The following LOXHD1 variants were observed in gnomAD, a reference collection of about 807,000 sequenced individuals.
The protein encoded by LOXHD1 is lipoxygenase homology domain-containing protein 1.
In LOXHD1, 205 loss-of-function variants were observed where a neutral mutation model predicts 248.2. The observed-to-expected ratio is 0.83, with a 90% CI of 0.74 to 0.93. The LOEUF is 0.93. Among genes scored for constraint, LOXHD1 ranks in the 40% least tolerant of loss-of-function variants. The pLI, the probability that LOXHD1 is intolerant of heterozygous loss-of-function variation, is 0.00. For synonymous variants in LOXHD1, 1,113 were observed against 1,162.8 expected, an observed-to-expected ratio of 0.96 and a Z score of 0.87; for missense variants, 2,930 against 2,971.6, an observed-to-expected ratio of 0.99 and a Z score of 0.33.
chr18:46,632,697 A>T (rs545208512), intron 4 of LOXHD1, among the ~76,000 whole-genome samples: 1 of 152,268 alleles, frequency 6.6e-6, no homozygotes, highest in East Asian at 1.9e-4. Context: ...TTTGATAGCC[A>T]AGACTCTGTT....
chr18:46,522,978 A>C (rs1219841511), intron 31 of LOXHD1, among the ~76,000 whole-genome samples: 2 of 148,532 alleles, frequency 1.3e-5, no homozygotes, highest in Non-Finnish European at 3.0e-5. Flanking sequence ...ATGGAGTTCC[A>C]CTCTTGTTGC....
intron 21 of LOXHD1, among the ~76,000 whole-genome samples, chr18:46,553,456 T>A (rs943049821): frequency 1.3e-5 from 2 of 152,216 alleles, no homozygotes; most frequent in Non-Finnish European, 2.9e-5. Flanking sequence ...GTTCCTTTCT[T>A]CAAAAACAGA....
At chr18:46,597,485 G>T (rs1317039804) in intron 8 of LOXHD1, among the ~76,000 whole-genome samples, 2 of 151,060 alleles carry the variant, frequency 1.3e-5, no homozygotes, top group Non-Finnish European at 2.9e-5. Flanking sequence ...AGCAAAAATT[G>T]TTCTACAATA....
chr18:46,604,970 A>C (rs966739644), intron 6 of LOXHD1, among the ~76,000 whole-genome samples: 3 of 152,204 alleles, frequency 2.0e-5, no homozygotes, highest in African/African-American at 7.2e-5. Flanking sequence ...GTATCTCATA[A>C]CATCATGTTA....
At chr18:46,638,086 G>T (rs532935495) in intron 4 of LOXHD1, among the ~76,000 whole-genome samples, 2 of 152,270 alleles carry the variant, frequency 1.3e-5, no homozygotes, top group African/African-American at 4.8e-5. Context: ...ATTCCAAGGA[G>T]GGGTGTCGAG....
chr18:46,530,801 T>A (rs2036031437), intron 28 of LOXHD1, among the ~76,000 whole-genome samples: 1 of 152,178 alleles, frequency 6.6e-6, no homozygotes, highest in Non-Finnish European at 1.5e-5. Flanking sequence ...TCCTTCTGTG[T>A]GGCTGGACAC....
chr18:46,510,302 G>A (rs1368686048), intron 34 of LOXHD1, among the ~76,000 whole-genome samples: 3 of 152,242 alleles, frequency 2.0e-5, no homozygotes, highest in African/African-American at 7.2e-5. Flanking sequence ...CACAACTCTA[G>A]ATGGCATCGT....
In LOXHD1 at chr18:46,529,167, C is replaced by T. The variant is rs1366118373; in HGVS notation, c.4530+10G>A. 2.6e-6 allele frequency: 4 copies of T among 1,551,446 alleles called. No individual in the cohort carries two copies. Among genetic ancestry groups the T allele is most frequent in the African/African-American group, 1.4e-5 (1 of 73,114 alleles). On this transcript the variant is annotated intron_variant, in intron 29 of 40. Coordinates refer to ENST00000642948, the MANE Select transcript of LOXHD1 (RefSeq NM_001384474.1). ...AGGGAAGGAGGGTAAACTCCGTGTG[C>T]CCCTCATACCGTTCCTCTCTCGAAC...
Position 46,485,151 on chromosome 18 carries a change from G to A in LOXHD1, c.6050C>T (p.Thr2017Ile), listed in dbSNP as rs1187734597. 1 of 1,549,260 alleles carries A rather than the reference G, an allele frequency of 6.5e-7. No individual in the cohort carries two copies. Among genetic ancestry groups the A allele is most frequent in the South Asian group, 1.2e-5 (1 of 83,794 alleles). ...NKICDELEETTYEIVIETGNG... is the reference protein window; with the variant it reads ...NKICDELEETIYEIVIETGNG... ...GCCCGTTTCTATGACGATCTCGTAG[G>A]CTGTAATGGAGGAGGTGGGGGAGGG... is the stretch of plus-strand genomic sequence containing the variant. Residue 2017 changes from threonine (T) to isoleucine (I), a missense_variant and splice_region_variant, in exon 39 of 41, where the codon ACC (threonine) becomes ATC (isoleucine). Physicochemically the swap from Thr to Ile is moderately conservative, Grantham distance 89. Transcript: ENST00000642948.
intron 27 of LOXHD1, 51 bp from the exon 28 acceptor site, chr18:46,533,375 A>G: frequency 6.5e-7 from 1 of 1,541,642 alleles, no homozygotes; most frequent in Non-Finnish European, 8.8e-7. Flanking sequence ...AAAGCTGCCA[A>G]CTTCAGGGAT....
chr18:46,506,831 T>G (rs543504954), intron 36 of LOXHD1, among the ~76,000 whole-genome samples: 58 of 152,226 alleles, frequency 3.8e-4, no homozygotes, highest in Non-Finnish European at 7.5e-4. Context: ...CCATTTATAA[T>G]TAATGTGATG....
chr18:46,642,090 G>T (rs1232670167), intron 2 of LOXHD1, 54 bp from the exon 3 acceptor site: 48 of 1,492,478 alleles, frequency 3.2e-5, no homozygotes, highest in Non-Finnish European at 4.4e-5. Flanking sequence ...ACAGGCCTGG[G>T]AGGAGAGCCA....
chr18:46,613,593 G>T (rs1481157000), intron 5 of LOXHD1, among the ~76,000 whole-genome samples: 1 of 152,050 alleles, frequency 6.6e-6, no homozygotes, highest in Non-Finnish European at 1.5e-5. Context: ...GTACTGTGAA[G>T]AATAGAAATA....
chr18:46,560,852 ACG>A (rs34336210), intron 18 of LOXHD1, among the ~76,000 whole-genome samples: 39,644 of 151,370 alleles, frequency 0.26, 5,984 homozygotes, highest in African/African-American at 0.41. Context: ...ACACACACGC[ACG>A]CGCGCGCGCG....
intron 8 of LOXHD1, among the ~76,000 whole-genome samples, chr18:46,594,863 TA>T (rs2038233999): frequency 6.6e-6 from 1 of 152,206 alleles, no homozygotes; most frequent in Middle Eastern, 3.2e-3. Context: ...ATCTGGAATG[TA>T]ATATAAAAAC....
At chr18:46,480,345 C>A (rs999906725) in intron 40 of LOXHD1, among the ~76,000 whole-genome samples, 1 of 152,168 alleles carries the variant, frequency 6.6e-6, no homozygotes, top group South Asian at 2.1e-4. Flanking sequence ...CCTGCACAGA[C>A]CCACGTGTAC....
intron 6 of LOXHD1, among the ~76,000 whole-genome samples, 183 bp from the exon 7 acceptor site, chr18:46,604,412 T>A (rs750362335): frequency 6.6e-6 from 1 of 152,190 alleles, no homozygotes; most frequent in African/African-American, 2.4e-5. Flanking sequence ...AAGCTCAGAA[T>A]CATACAGGGA....
At chr18:46,522,562 T>C (rs1318007017) in intron 31 of LOXHD1, among the ~76,000 whole-genome samples, 2 of 152,208 alleles carry the variant, frequency 1.3e-5, no homozygotes, top group Non-Finnish European at 2.9e-5. Flanking sequence ...AGTGTCAAGC[T>C]TCTAAAAGCT....
chr18:46,506,109 G>A (rs1598869783), intron 36 of LOXHD1, 86 bp from the exon 37 acceptor site: 3 of 1,434,644 alleles, frequency 2.1e-6, no homozygotes, highest in African/African-American at 2.8e-5. Context: ...GGACTCCTCA[G>A]AGGAGTCAGG....
Sources: allele counts gnomAD v4.1 joint callset (sites outside exome capture counted in the v4.1 genomes callset), GRCh38; gene constraint gnomAD v4.1.1; transcripts MANE v1.5; gene names NCBI Gene and HGNC (gene_info 2026-07-23, HGNC 2026-07-21).